The following TBC1D17 variants were observed in gnomAD, a reference collection of about 807,000 sequenced individuals.
The protein encoded by TBC1D17 is TBC1 domain family, member 17.
Under a neutral mutation model 78.8 loss-of-function variants are expected in TBC1D17, and 69 were observed. That is an observed-to-expected ratio of 0.88 (90% confidence interval 0.72 to 1.07). The LOEUF (loss-of-function observed/expected upper bound fraction) is 1.07, where lower values mean the gene tolerates loss of function less well. Ranked by LOEUF, TBC1D17 falls within the 50% of genes least tolerant of loss-of-function variation. TBC1D17 has a pLI of 0.00. For missense variants in TBC1D17, 957 were observed against 861.0 expected (o/e 1.11, Z -1.39); for synonymous variants, 456 against 358.3 (o/e 1.27, Z -3.08).
At position 49,887,525 on chromosome 19, in the gene TBC1D17, C is replaced by G. The variant is rs758933536; in HGVS notation, c.1494C>G (p.Ile498Met). Reference sequence around the variant, plus strand: ...GCTTCTGTTTCCGGTGGCTGCTCATCTGGTTCAAGAGGGAATTCCCCTTCC... The same window carrying G: ...GCTTCTGTTTCCGGTGGCTGCTCATGTGGTTCAAGAGGGAATTCCCCTTCC... ...SLCFCFRWLL[I>M]WFKREFPFPD... Residue 498 changes from isoleucine (I) to methionine (M), a missense_variant, in exon 14 of 17, where the codon ATC becomes ATG. Physicochemically the swap from Ile to Met is conservative, Grantham distance 10. Transcript: ENST00000221543. 7 of 1,614,068 alleles carry G rather than the reference C, an allele frequency of 4.3e-6. No homozygotes were observed. The highest frequency in any genetic ancestry group is 5.9e-6 in the Non-Finnish European group (7 of 1,180,030).
At position 49,884,237 on chromosome 19, in the gene TBC1D17, T is replaced by C. The variant is rs1016308752; in HGVS notation, c.1127-16T>C. 9.3e-6 allele frequency: 15 copies of C among 1,612,244 alleles called. No individual in the cohort carries two copies. Among genetic ancestry groups the C allele is most frequent in the Non-Finnish European group, 1.3e-5 (15 of 1,178,798 alleles). The stretch of plus-strand genomic sequence containing the variant: ...CTACCTTTCTCACCTTTGCACCCTG[T>C]GCCCGGTCCCCGCAGAAAGGGATGT... On this transcript the variant is annotated splice_polypyrimidine_tract_variant and intron_variant, in intron 10 of 16. Coordinates refer to ENST00000221543, the MANE Select transcript of TBC1D17 (RefSeq NM_024682.3).
In TBC1D17 at chr19:49,878,668, A is replaced by T. The variant is rs1386823083; in HGVS notation, c.195+96A>T. The stretch of plus-strand genomic sequence containing the variant: ...GGGACCTGCGTACAATCCCAGACCT[A>T]CTCGTGGGGCATGTGTGACCCTGTT... On this transcript the variant is annotated intron_variant, in intron 3 of 16. Coordinates refer to ENST00000221543, the MANE Select transcript of TBC1D17 (RefSeq NM_024682.3). 6.5e-5 allele frequency: 78 copies of T among 1,191,908 alleles called. No individual in the cohort carries two copies. In the Admixed American group the frequency reaches 1.4e-3, roughly 22 times the overall value. 73.8% of individuals were successfully genotyped at this position (1,191,908 alleles called of 1,614,324 possible). A position where few individuals can be genotyped will look rare whatever the true frequency, so the allele number is the denominator to read the frequency against.
chr19:49,883,097 G>A, intron 9 of TBC1D17, 21 bp downstream of exon 9: 1 of 1,585,144 alleles, frequency 6.3e-7, no homozygotes, highest in Non-Finnish European at 8.6e-7. Flanking sequence ...AGGAGGCCCT[G>A]CCCTGCCAGG....
chr19:49,882,931 G>A (rs2122449036), intron 8 of TBC1D17, 39 bp downstream of exon 8: 1 of 1,598,594 alleles, frequency 6.3e-7, no homozygotes, highest in South Asian at 1.1e-5. Flanking sequence ...GGCAGGGCCA[G>A]AACAAGGCCC....
chr19:49,878,925 C>T (rs1010280304), intron 3 of TBC1D17: 4 of 270,986 alleles, frequency 1.5e-5, no homozygotes, highest in East Asian at 8.8e-5. Flanking sequence ...ACAGCCTACT[C>T]ACCCACTTCG....
intron 10 of TBC1D17, 31 bp from the exon 11 acceptor site, chr19:49,884,222 C>T (rs753558115): frequency 1.4e-5 from 23 of 1,601,990 alleles, no homozygotes; most frequent in Non-Finnish European, 2.0e-5. Flanking sequence ...CTACCTTTCT[C>T]ACCTTTGCAC....
Position 49,882,982 on chromosome 19 carries a change from C to A in TBC1D17, c.937C>A (p.Pro313Thr). The change falls in exon 9 of 17, where the codon CCC becomes ACC. Residue 313 changes from proline to threonine, a missense_variant. Transcript: ENST00000221543. ...KNRIFSGGLS[P>T]SLRREAWKFL... ...CCTCCTGCACCCCCAGGGTCTGAGC[C>A]CCAGCCTGCGGCGCGAGGCCTGGAA... 1 of 1,609,748 alleles carries A rather than the reference C, an allele frequency of 6.2e-7. No homozygotes were observed. Among genetic ancestry groups the A allele is most frequent in the Non-Finnish European group, 8.5e-7 (1 of 1,177,966 alleles).
chr19:49,878,473 A>G lies in TBC1D17; in HGVS notation c.121-25A>G, dbSNP rs370189185. The G allele has an allele frequency of 2.5e-6, 4 of 1,599,386 alleles. No individual in the cohort carries two copies. The African/African-American group carries it at 4.0e-5, about 16-fold the overall frequency. On this transcript the variant is annotated intron_variant, in intron 2 of 16. Transcript: ENST00000221543. Reference sequence around the variant, plus strand: ...GGAATGTGGTTTGGGGAGCGCCTCTAACCCCGCCTCCCTCCTTACCCTAGG... The same window carrying G: ...GGAATGTGGTTTGGGGAGCGCCTCTGACCCCGCCTCCCTCCTTACCCTAGG...
intron 1 of TBC1D17, 163 bp downstream of exon 1, chr19:49,877,907 A>G: frequency 7.8e-6 from 7 of 901,334 alleles, no homozygotes; most frequent in Non-Finnish European, 1.2e-5. Context: ...GCCCCAGGGA[A>G]GAACCTCCCA....
chr19:49,886,681 C>T (rs1218789334), intron 13 of TBC1D17: 1 of 152,220 alleles, frequency 6.6e-6, no homozygotes, highest in African/African-American at 2.4e-5. Context: ...TGCTTGTTTT[C>T]ACACAGCTTT....
Position 49,884,536 on chromosome 19 carries a change from T to C in TBC1D17, c.1321T>C (p.Phe441Leu), listed in dbSNP as rs755264350. 6.2e-7 allele frequency: 1 copy of C among 1,614,164 alleles called. No individual in the cohort carries two copies. The highest frequency in any genetic ancestry group is 1.1e-5 in the South Asian group (1 of 91,082). The change falls in exon 12 of 17, where the codon TTC becomes CTC. Residue 441 changes from phenylalanine to leucine, a missense_variant. By Grantham distance (22) the Phe-to-Leu change is conservative. Transcript: ENST00000221543. The stretch of plus-strand genomic sequence containing the variant: ...GAACGAGGTGGATGCTTTCTGGTGT[T>C]TCTGTGGCTTCATGGAGCTCGTGGT... ...IQNEVDAFWC[F>L]CGFMELVQGN...
chr19:49,888,014 A>G, intron 15 of TBC1D17, 180 bp downstream of exon 15: 1 of 943,758 alleles, frequency 1.1e-6, no homozygotes, highest in Non-Finnish European at 1.6e-6. Context: ...TGCTCCCAGC[A>G]AGGTCCTCCG....
intron 9 of TBC1D17, 143 bp from the exon 10 acceptor site, chr19:49,883,508 A>G: frequency 1.5e-6 from 1 of 652,684 alleles, no homozygotes; most frequent in Non-Finnish European, 2.8e-6. Context: ...GGATAGTGGC[A>G]AGAATGACGA....
intron 3 of TBC1D17, 30 bp from the exon 4 acceptor site, chr19:49,880,249 C>G: frequency 1.2e-6 from 2 of 1,612,790 alleles, no homozygotes; most frequent in Non-Finnish European, 1.7e-6. Flanking sequence ...ATCCATGGCC[C>G]CTTACTGTCT....
chr19:49,878,645 G>A (rs1392697305), intron 3 of TBC1D17, 73 bp downstream of exon 3: 18 of 1,444,328 alleles, frequency 1.2e-5, no homozygotes, highest in Non-Finnish European at 1.6e-5. Flanking sequence ...TCATTTGAGG[G>A]ACCTGCGTAC....
Position 49,888,675 on chromosome 19 carries a change from C to T in TBC1D17, c.*51C>T, listed in dbSNP as rs1487738504. ...CAGGCACTTTAGCCCGAGCCAGGCA[C>T]ACCTGCGAGGGGGCAGGTGTGCTCC... is the stretch of plus-strand genomic sequence containing the variant. On this transcript the variant is annotated 3_prime_UTR_variant, in exon 17 of 17. Transcript: ENST00000221543. 1 of 1,470,468 alleles carries T rather than the reference C, an allele frequency of 6.8e-7. No homozygotes were observed. Among genetic ancestry groups the T allele is most frequent in the South Asian group, 1.3e-5 (1 of 77,824 alleles). 91.1% of individuals were successfully genotyped at this position (1,470,468 alleles called of 1,614,324 possible). A position where few individuals can be genotyped will look rare whatever the true frequency, so the allele number is the denominator to read the frequency against.
intron 4 of TBC1D17, 73 bp from the exon 5 acceptor site, chr19:49,881,195 A>C: frequency 7.2e-7 from 1 of 1,397,780 alleles, no homozygotes; most frequent in East Asian, 2.3e-5. Context: ...CCGAAGGAAC[A>C]TCCTGGGTTG....
In TBC1D17 at chr19:49,883,150, G is replaced by A; in HGVS notation, c.1031+74G>A. On this transcript the variant is annotated intron_variant, in intron 9 of 16. Coordinates refer to ENST00000221543, the MANE Select transcript of TBC1D17 (RefSeq NM_024682.3). The stretch of plus-strand genomic sequence containing the variant: ...CCTAGGGCACCAATGGGCAAGTTCT[G>A]TGGACGCTGGTTGTGAACCTGCTGT... 4 of 1,371,546 alleles carry A rather than the reference G, an allele frequency of 2.9e-6. No homozygotes were observed. In the Middle Eastern group the frequency reaches 5.6e-4, roughly 193 times the overall value. 85.0% of individuals were successfully genotyped at this position (1,371,546 alleles called of 1,614,324 possible). A position where few individuals can be genotyped will look rare whatever the true frequency, so the allele number is the denominator to read the frequency against.
chr19:49,883,195 C>G, intron 9 of TBC1D17, 119 bp downstream of exon 9: 2 of 880,212 alleles, frequency 2.3e-6, no homozygotes, highest in Non-Finnish European at 3.5e-6. Flanking sequence ...CCATCCTGCG[C>G]CTGTGGAATA....
Sources: allele counts gnomAD v4.1 joint callset, GRCh38; gene constraint gnomAD v4.1.1; transcripts MANE v1.5; gene names NCBI Gene and HGNC (gene_info 2026-07-23, HGNC 2026-07-21).